HECW2: variants seen among roughly 807,000 people sequenced by gnomAD.
HECW2 encodes the protein HECT, C2 and WW domain containing E3 ubiquitin protein ligase 2.
Under a neutral mutation model 175.2 loss-of-function variants are expected in HECW2, and 61 were observed. The observed-to-expected ratio is 0.35, with a 90% CI of 0.28 to 0.43. The LOEUF is 0.43. Among genes scored for constraint, HECW2 ranks in the 20% least tolerant of loss-of-function variants. The pLI, the probability that HECW2 is intolerant of heterozygous loss-of-function variation, is 1.00. For synonymous variants in HECW2, 671 were observed against 731.0 expected, an observed-to-expected ratio of 0.92 and a Z score of 1.32; for missense variants, 1,524 against 2,000.5, an observed-to-expected ratio of 0.76 and a Z score of 4.54.
intron 2 of HECW2, among the ~76,000 whole-genome samples, chr2:196,359,229 CATGAGGTCAGGAGATCGAT>C (rs1243416661): frequency 6.6e-6 from 1 of 152,130 alleles, no homozygotes; most frequent in African/African-American, 2.4e-5. Flanking sequence ...GCAGGTGGAT[CATGAGGTCAGGAGATCGAT>C]ACCATCCTGG....
At chr2:196,509,722 C>T (rs189339405) in intron 1 of HECW2, among the ~76,000 whole-genome samples, 3 of 152,300 alleles carry the variant, frequency 2.0e-5, no homozygotes, top group South Asian at 4.1e-4. Flanking sequence ...AAAGATAGTA[C>T]CACATTGCCA....
chr2:196,447,549 G>A (rs185938995), intron 1 of HECW2, among the ~76,000 whole-genome samples: 185 of 152,190 alleles, frequency 1.2e-3, no homozygotes, highest in Admixed American at 7.7e-3. Flanking sequence ...ATAAGGATCT[G>A]GCAAAGTTAG....
chr2:196,357,748 A>G (rs1298790734), intron 2 of HECW2, among the ~76,000 whole-genome samples: 1 of 152,096 alleles, frequency 6.6e-6, no homozygotes, highest in Non-Finnish European at 1.5e-5. Flanking sequence ...GTGAGTTCTC[A>G]TGAGATCTGA....
At chr2:196,487,323 C>T (rs926154407) in intron 1 of HECW2, among the ~76,000 whole-genome samples, 1 of 152,040 alleles carries the variant, frequency 6.6e-6, no homozygotes, top group Admixed American at 6.6e-5. Context: ...CAAAAACAAA[C>T]AAGCAAAATA....
chr2:196,436,370 C>A (rs1216580703), intron 1 of HECW2, among the ~76,000 whole-genome samples: 1 of 148,100 alleles, frequency 6.8e-6, no homozygotes, highest in South Asian at 2.2e-4. Flanking sequence ...CACTGGACTC[C>A]AGTCTGGGCG....
chr2:196,204,031 G>C (rs1686970329), intron 28 of HECW2, among the ~76,000 whole-genome samples: 1 of 152,172 alleles, frequency 6.6e-6, no homozygotes, highest in Non-Finnish European at 1.5e-5. Flanking sequence ...GCATGGGTCA[G>C]AATTTCCTTC....
intron 16 of HECW2, 139 bp downstream of exon 16, chr2:196,273,882 A>C: frequency 1.7e-6 from 1 of 585,934 alleles, no homozygotes; most frequent in East Asian, 2.9e-5. Context: ...TTTGTTATAC[A>C]TTTCTTAAGG....
intron 2 of HECW2, among the ~76,000 whole-genome samples, chr2:196,398,599 C>A (rs919873351): frequency 1.3e-4 from 20 of 152,190 alleles, no homozygotes; most frequent in African/African-American, 4.3e-4. Flanking sequence ...CTCGAAGAAA[C>A]CACCTCTGGC....
chr2:196,369,425 C>T (rs1335003445), intron 2 of HECW2, among the ~76,000 whole-genome samples: 1 of 150,336 alleles, frequency 6.7e-6, no homozygotes, highest in Non-Finnish European at 1.5e-5. Context: ...GACACATGGA[C>T]TCCTGTTGTC....
At chr2:196,578,265 C>A (rs1690632558) in intron 1 of HECW2, among the ~76,000 whole-genome samples, 1 of 151,792 alleles carries the variant, frequency 6.6e-6, no homozygotes, top group African/African-American at 2.4e-5. Context: ...TTTGAACAGG[C>A]ATAAAAAAGA....
chr2:196,501,247 A>T (rs920438337), intron 1 of HECW2, among the ~76,000 whole-genome samples: 1 of 152,180 alleles, frequency 6.6e-6, no homozygotes, highest in African/African-American at 2.4e-5. Context: ...TATTAAAGAG[A>T]CAGTTGGAAG....
Position 196,367,876 on chromosome 2 carries a change from T to TGTGTG in HECW2, c.293-24113_293-24112insCACAC, listed in dbSNP as rs1553508124. 1.4e-3 allele frequency among the ~76,000 whole-genome samples: 199 copies of TGTGTG among 144,996 alleles called. 2 individuals are homozygous for TGTGTG. Among genetic ancestry groups the TGTGTG allele is most frequent in the East Asian group, 4.7e-3 (24 of 5,060 alleles). On this transcript the variant is annotated intron_variant, in intron 2 of 28. Coordinates refer to ENST00000644978, the MANE Select transcript of HECW2 (RefSeq NM_001348768.2). Reference sequence around the variant, plus strand: ...CCATTGTGTGTGTGTGTGTGTGTGTTTGTGTGTGTGTGTGTGTATGGTACA... The same window carrying TGTGTG: ...CCATTGTGTGTGTGTGTGTGTGTGTTGTGTGTGTGTGTGTGTGTGTGTATGGTACA...
intron 1 of HECW2, among the ~76,000 whole-genome samples, chr2:196,561,208 T>C (rs1481022964): frequency 6.6e-6 from 1 of 152,232 alleles, no homozygotes; most frequent in African/African-American, 2.4e-5. Context: ...ATGGCCACTC[T>C]GGGGGTGTCT....
chr2:196,564,376 A>C (rs1164776950), intron 1 of HECW2, among the ~76,000 whole-genome samples: 1 of 152,188 alleles, frequency 6.6e-6, no homozygotes, highest in Non-Finnish European at 1.5e-5. Flanking sequence ...ATATTATTGA[A>C]TTATGATTAA....
At position 196,529,845 on chromosome 2, in the gene HECW2, T is replaced by C. The variant is rs1413222821; in HGVS notation, c.-36+63663A>G. On this transcript the variant is annotated intron_variant, in intron 1 of 28. Transcript: ENST00000644978. ...CTCTGTTCTTTTGGCCATTTTCTTA[T>C]TGGATTTCTTTGTCATATCAGCCTG... 2.6e-5 allele frequency among the ~76,000 whole-genome samples: 4 copies of C among 152,230 alleles called. No individual in the cohort carries two copies. The East Asian group carries it at 7.7e-4, about 29-fold the overall frequency.
intron 19 of HECW2, among the ~76,000 whole-genome samples, chr2:196,253,089 C>T (rs939485763): frequency 3.3e-5 from 5 of 152,222 alleles, no homozygotes; most frequent in Non-Finnish European, 5.9e-5. Flanking sequence ...CATATTAATA[C>T]ATCTTTTCCT....
intron 1 of HECW2, among the ~76,000 whole-genome samples, chr2:196,583,688 G>A (rs11899418): frequency 0.036 from 5,462 of 152,232 alleles, 329 homozygotes; most frequent in African/African-American, 0.12. Context: ...TTAGTATCCT[G>A]TGTCAATTAA....
intron 18 of HECW2, 127 bp downstream of exon 18, chr2:196,257,696 T>C (rs1689116331): frequency 1.5e-6 from 1 of 666,164 alleles, no homozygotes; most frequent in Non-Finnish European, 2.6e-6. Context: ...CTTCAAAATA[T>C]TTCCACAAGT....
At chr2:196,462,571 T>G (rs960732157) in intron 1 of HECW2, among the ~76,000 whole-genome samples, 1 of 152,166 alleles carries the variant, frequency 6.6e-6, no homozygotes, top group Non-Finnish European at 1.5e-5. Context: ...ACAGGTATCT[T>G]TTTTATTAAC....
Sources: allele counts gnomAD v4.1 joint callset (sites outside exome capture counted in the v4.1 genomes callset), GRCh38; gene constraint gnomAD v4.1.1; transcripts MANE v1.5; gene names NCBI Gene and HGNC (gene_info 2026-07-23, HGNC 2026-07-21).